Variants in CDC42BPA observed in about 807,000 individuals in gnomAD.
The protein encoded by CDC42BPA is CDC42 binding protein kinase alpha.
CDC42BPA carries 80 observed loss-of-function variants against 223.5 expected under a neutral mutation model. The observed-to-expected ratio is 0.36, with a 90% confidence interval of 0.30 to 0.43. The LOEUF is 0.43. Ranked by LOEUF, CDC42BPA falls within the 20% of genes least tolerant of loss-of-function variation. The pLI is 1.00. For synonymous variants in CDC42BPA, 694 were observed against 718.6 expected (o/e 0.97, Z 0.55); for missense variants, 1,743 against 2,099.9 (o/e 0.83, Z 3.32).
chr1:227,211,012 A>G (rs902955860), intron 3 of CDC42BPA, among the ~76,000 whole-genome samples: 9 of 152,186 alleles, frequency 5.9e-5, no homozygotes, highest in Non-Finnish European at 1.3e-4. Context: ...TACAAATCCT[A>G]TCTCCCTCCC....
chr1:227,043,231 G>A (rs1671746471), intron 23 of CDC42BPA, among the ~76,000 whole-genome samples: 1 of 152,026 alleles, frequency 6.6e-6, no homozygotes, highest in Admixed American at 6.5e-5. Flanking sequence ...CAGCCAACAT[G>A]GTGAAACCCC....
At chr1:227,075,173 G>A (rs1679200779) in intron 17 of CDC42BPA, among the ~76,000 whole-genome samples, 1 of 152,178 alleles carries the variant, frequency 6.6e-6, no homozygotes, top group Non-Finnish European at 1.5e-5. Flanking sequence ...AAAAAAAATG[G>A]AGTTGAAATT....
intron 19 of CDC42BPA, among the ~76,000 whole-genome samples, chr1:227,072,895 T>C (rs971097838): frequency 2.0e-5 from 3 of 152,104 alleles, no homozygotes; most frequent in African/African-American, 4.8e-5. Flanking sequence ...CTGGGATCAA[T>C]TCACTTTCTC....
intron 32 of CDC42BPA, among the ~76,000 whole-genome samples, chr1:227,021,031 C>T (rs1001736014): frequency 9.2e-5 from 14 of 152,132 alleles, no homozygotes; most frequent in African/African-American, 3.4e-4. Context: ...TCAGAACACA[C>T]ACATTTATCA....
intron 2 of CDC42BPA, among the ~76,000 whole-genome samples, chr1:227,253,305 T>C (rs775860679): frequency 2.6e-5 from 4 of 152,042 alleles, no homozygotes; most frequent in Non-Finnish European, 5.9e-5. Context: ...TCTTTACAAG[T>C]GAGTCGAAAT....
At chr1:227,097,328 ATATTGC>A (rs71179190) in intron 15 of CDC42BPA, among the ~76,000 whole-genome samples, 95,431 of 151,388 alleles carry the variant, frequency 0.63, 30,198 homozygotes, top group East Asian at 0.72. Context: ...AATGACCTTC[ATATTGC>A]TATTGCTAAA....
At chr1:227,281,993 C>A (rs1042836869) in intron 1 of CDC42BPA, among the ~76,000 whole-genome samples, 1 of 152,006 alleles carries the variant, frequency 6.6e-6, no homozygotes, top group Non-Finnish European at 1.5e-5. Context: ...AGTTCGCGAC[C>A]AGCCTGACCA....
At chr1:227,027,062 G>A (rs542366749) in intron 30 of CDC42BPA, among the ~76,000 whole-genome samples, 2 of 152,126 alleles carry the variant, frequency 1.3e-5, no homozygotes, top group African/African-American at 4.8e-5. Flanking sequence ...TGAAGTGCTG[G>A]GATTACAGGT....
intron 2 of CDC42BPA, among the ~76,000 whole-genome samples, chr1:227,221,125 G>A (rs977902974): frequency 2.6e-5 from 4 of 152,052 alleles, no homozygotes; most frequent in African/African-American, 9.7e-5. Context: ...CAAATAAATT[G>A]TTCTCAATTC....
At chr1:227,278,955 TA>T (rs1687577067) in intron 1 of CDC42BPA, among the ~76,000 whole-genome samples, 1 of 151,826 alleles carries the variant, frequency 6.6e-6, no homozygotes, top group Non-Finnish European at 1.5e-5. Context: ...TCTTCAGGCT[TA>T]AAACCAATAA....
At chr1:227,020,238 T>C (rs147705308) in intron 32 of CDC42BPA, among the ~76,000 whole-genome samples, 108 of 152,298 alleles carry the variant, frequency 7.1e-4, no homozygotes, top group African/African-American at 2.5e-3. Context: ...TTTCAAATGG[T>C]AAATGAGTAC....
chr1:227,121,309 C>T (rs928909624), intron 11 of CDC42BPA, among the ~76,000 whole-genome samples: 2 of 152,170 alleles, frequency 1.3e-5, no homozygotes, highest in African/African-American at 4.8e-5. Flanking sequence ...ATTGTTGAGA[C>T]TGATGCTTTC....
intron 5 of CDC42BPA, among the ~76,000 whole-genome samples, chr1:227,168,743 C>G (rs555027492): frequency 2.6e-5 from 4 of 151,988 alleles, no homozygotes; most frequent in African/African-American, 9.6e-5. Context: ...GTGATCCATC[C>G]GCCTCGGCCT....
chr1:227,164,045 A>G (rs1664586979), intron 5 of CDC42BPA, among the ~76,000 whole-genome samples: 1 of 152,154 alleles, frequency 6.6e-6, no homozygotes, highest in Non-Finnish European at 1.5e-5. Flanking sequence ...CAAAAATATT[A>G]CTGTATTACT....
chr1:227,096,692 C>A (rs1228910980), intron 15 of CDC42BPA, among the ~76,000 whole-genome samples: 1 of 152,206 alleles, frequency 6.6e-6, no homozygotes, highest in Non-Finnish European at 1.5e-5. Flanking sequence ...GGCTTCTTTT[C>A]AGCTGTCTTT....
chr1:227,251,246 T>C (rs1199682243), intron 2 of CDC42BPA, among the ~76,000 whole-genome samples: 1 of 144,318 alleles, frequency 6.9e-6, no homozygotes, highest in Non-Finnish European at 1.5e-5. Flanking sequence ...AAAAAAAAGG[T>C]AGAAATTGGG....
chr1:227,167,932 CT>C (rs5781476), intron 5 of CDC42BPA, among the ~76,000 whole-genome samples: 5 of 148,224 alleles, frequency 3.4e-5, no homozygotes, highest in Admixed American at 6.7e-5. Context: ...TTCTTCTGTT[CT>C]TTTTTTTTTT....
chr1:227,128,990 ACT>A, intron 11 of CDC42BPA, 117 bp downstream of exon 11: 1 of 704,606 alleles, frequency 1.4e-6, no homozygotes, highest in Non-Finnish European at 2.4e-6. Flanking sequence ...CCCTTCCCTG[ACT>A]AGCATGCAAC....
Position 227,147,574 on chromosome 1 carries a change from A to G in CDC42BPA, c.694-15T>C, listed in dbSNP as rs1234600914. 1 of 1,457,396 alleles carries G rather than the reference A, an allele frequency of 6.9e-7. No homozygotes were observed. Among genetic ancestry groups the G allele is most frequent in the Non-Finnish European group, 9.4e-7 (1 of 1,066,876 alleles). 90.3% of individuals were successfully genotyped at this position (1,457,396 alleles called of 1,614,324 possible). ...GAGGACTGAACCTGAAGAAATTTACATTTTTATTAATCTCCTATATTAGAA... is the reference window on the plus strand; with the variant it reads ...GAGGACTGAACCTGAAGAAATTTACGTTTTTATTAATCTCCTATATTAGAA... On this transcript the variant is annotated splice_polypyrimidine_tract_variant and intron_variant, in intron 6 of 36. Coordinates refer to ENST00000366766, the MANE Select transcript of CDC42BPA (RefSeq NM_001394014.1).
Sources: gnomAD v4.1 joint callset for allele counts (sites outside exome capture counted in the v4.1 genomes callset) on GRCh38, gnomAD v4.1.1 for gene constraint, MANE v1.5 for transcripts, NCBI Gene and HGNC (gene_info 2026-07-23, HGNC 2026-07-21) for gene names.